STX8: variants seen among roughly 807,000 people sequenced by gnomAD.
STX8 encodes syntaxin 8, also known as syntaxin-8.
A neutral mutation model predicts 37.5 loss-of-function variants in STX8; 23 were observed. That is an observed-to-expected ratio of 0.61 (90% CI 0.44 to 0.87). The LOEUF is 0.87. Ranked by LOEUF, STX8 falls within the 40% of genes least tolerant of loss-of-function variation. STX8 has a pLI of 0.00. For missense variants in STX8, 313 were observed against 284.7 expected (o/e 1.10, Z -0.71); for synonymous variants, 115 against 99.1 (o/e 1.16, Z -0.95).
At chr17:9,295,305 A>G (rs938586811) in intron 7 of STX8, among the ~76,000 whole-genome samples, 2 of 152,228 alleles carry the variant, frequency 1.3e-5, no homozygotes, top group East Asian at 3.8e-4. Flanking sequence ...AAACAAGCCT[A>G]ACTGTTCCTA....
chr17:9,311,236 C>CAAA (rs1217019833), intron 7 of STX8, among the ~76,000 whole-genome samples: 3 of 82,990 alleles, frequency 3.6e-5, no homozygotes, highest in East Asian at 4.0e-4. Flanking sequence ...GACTCCGTCT[C>CAAA]AAAAAAAAAA....
At chr17:9,444,848 T>C (rs147546809) in intron 6 of STX8, among the ~76,000 whole-genome samples, 10 of 152,324 alleles carry the variant, frequency 6.6e-5, no homozygotes, top group South Asian at 2.1e-4. Context: ...CGGAAAAGAA[T>C]TGAAACAGAC....
At chr17:9,382,908 T>A (rs2142290755) in intron 6 of STX8, among the ~76,000 whole-genome samples, 1 of 152,310 alleles carries the variant, frequency 6.6e-6, no homozygotes, top group African/African-American at 2.4e-5. Flanking sequence ...TTCAAAATTA[T>A]GTTGAAGCCT....
At position 9,279,962 on chromosome 17, in the gene STX8, T is replaced by C. The variant is rs925187918; in HGVS notation, c.644-29317A>G. Among the ~76,000 whole-genome samples, 6 of 152,350 alleles carry C rather than the reference T, an allele frequency of 3.9e-5. No individual in the cohort carries two copies. In the East Asian group the frequency reaches 9.6e-4, roughly 24 times the overall value. On this transcript the variant is annotated intron_variant, in intron 7 of 7. Transcript: ENST00000306357. ...ATCAATCAGAAAATATAACAGGGTG[T>C]GATGGCTTACATCTGTAATCCCAGC...
At chr17:9,522,067 A>G (rs990260947) in intron 4 of STX8, among the ~76,000 whole-genome samples, 1 of 152,090 alleles carries the variant, frequency 6.6e-6, no homozygotes, top group Non-Finnish European at 1.5e-5. Context: ...AAATTTCAAA[A>G]CCCCAGGGCA....
chr17:9,542,865 C>T (rs568791110), intron 4 of STX8, among the ~76,000 whole-genome samples: 1 of 152,222 alleles, frequency 6.6e-6, no homozygotes, highest in African/African-American at 2.4e-5. Flanking sequence ...GATGCTGATG[C>T]TGCTTATCAG....
At position 9,340,084 on chromosome 17, in the gene STX8, G is replaced by A. The variant is rs72816123; in HGVS notation, c.643+38468C>T. 5.7e-3 allele frequency among the ~76,000 whole-genome samples: 873 copies of A among 152,364 alleles called. 1 individual carries two copies. Among genetic ancestry groups the A allele is most frequent in the Middle Eastern group, 0.01 (3 of 294 alleles). On this transcript the variant is annotated intron_variant, in intron 7 of 7. Transcript: ENST00000306357. ...GATTCAATAAAAATGTGATGAATGG[G>A]TGAAAGATGACCATGTCACAGAAGC...
intron 2 of STX8, among the ~76,000 whole-genome samples, chr17:9,558,778 G>A (rs1380940597): frequency 6.6e-6 from 1 of 151,502 alleles, no homozygotes; most frequent in African/African-American, 2.4e-5. Context: ...AGCCGAGATC[G>A]CGCCACTGCA....
rs61659165 is a variant in STX8, at chr17:9,490,381, C to CTT, written c.541+1446_541+1447dup. ...TGCTTGCTCATACATGATAACTTTT[C>CTT]TTTTTTTTGAGACGGAGACTTGCTC... On this transcript the variant is annotated intron_variant, in intron 6 of 7. Transcript: ENST00000306357. Among the ~76,000 whole-genome samples, 25 of 151,592 alleles carry CTT rather than the reference C, an allele frequency of 1.6e-4. No individual in the cohort carries two copies. The Middle Eastern group carries it at 0.014, about 82-fold the overall frequency.
intron 7 of STX8, among the ~76,000 whole-genome samples, chr17:9,307,117 G>A (rs188259205): frequency 8.0e-4 from 121 of 152,038 alleles, no homozygotes; most frequent in Non-Finnish European, 1.5e-3. Context: ...GCAAGACTCC[G>A]TCTCAAAAAA....
At chr17:9,558,936 G>C (rs1362651481) in intron 2 of STX8, among the ~76,000 whole-genome samples, 1 of 151,990 alleles carries the variant, frequency 6.6e-6, no homozygotes, top group African/African-American at 2.4e-5. Context: ...GGAGATGAAA[G>C]ACGGAGTATG....
At chr17:9,520,254 T>G (rs1905296264) in intron 4 of STX8, among the ~76,000 whole-genome samples, 1 of 152,188 alleles carries the variant, frequency 6.6e-6, no homozygotes. Flanking sequence ...AAAGCAAAAC[T>G]TAATCAACTG....
At chr17:9,503,791 C>A (rs139483132) in intron 5 of STX8, among the ~76,000 whole-genome samples, 1 of 152,148 alleles carries the variant, frequency 6.6e-6, no homozygotes, top group Non-Finnish European at 1.5e-5. Flanking sequence ...GAGATGGAGT[C>A]TCACTCTGTT....
chr17:9,430,649 C>CTT (rs34803730), intron 6 of STX8, among the ~76,000 whole-genome samples: 24 of 120,888 alleles, frequency 2.0e-4, no homozygotes, highest in Admixed American at 2.6e-4. Flanking sequence ...GTGGTTTTGG[C>CTT]TTTTTTTTTT....
chr17:9,547,787 TTTTTTTTTTGTTTTG>T (rs1567606178), intron 3 of STX8, among the ~76,000 whole-genome samples: 16 of 140,912 alleles, frequency 1.1e-4, no homozygotes, highest in African/African-American at 4.6e-4. Flanking sequence ...CTTTTCTTTT[TTTTTTTTTTGTTTTG>T]TTTTGTTAAG....
chr17:9,460,893 A>G (rs922839828), intron 6 of STX8, among the ~76,000 whole-genome samples: 4 of 151,800 alleles, frequency 2.6e-5, no homozygotes, highest in African/African-American at 9.7e-5. Flanking sequence ...TTACATGGGA[A>G]TAATAATAAT....
At chr17:9,481,124 C>T (rs960222414) in intron 6 of STX8, among the ~76,000 whole-genome samples, 10 of 152,142 alleles carry the variant, frequency 6.6e-5, no homozygotes, top group Admixed American at 4.6e-4. Context: ...ACCTCGTGAT[C>T]CATCTGCCTT....
At chr17:9,371,942 G>A (rs1343928368) in intron 7 of STX8, among the ~76,000 whole-genome samples, 1 of 152,106 alleles carries the variant, frequency 6.6e-6, no homozygotes, top group Non-Finnish European at 1.5e-5. Context: ...CACTCATGCT[G>A]TGCTGTTTCC....
chr17:9,336,099 T>A, intron 7 of STX8, among the ~76,000 whole-genome samples: 1 of 152,330 alleles, frequency 6.6e-6, no homozygotes, highest in Non-Finnish European at 1.5e-5. Flanking sequence ...TCCAGGCTGA[T>A]GGGAATTCAT....
Sources: gnomAD v4.1 joint callset for allele counts (sites outside exome capture counted in the v4.1 genomes callset) on GRCh38, gnomAD v4.1.1 for gene constraint, MANE v1.5 for transcripts, NCBI Gene and HGNC (gene_info 2026-07-23, HGNC 2026-07-21) for gene names.